The following GJA5 variants were observed in gnomAD, a reference collection of about 807,000 sequenced individuals.
GJA5 encodes the protein gap junction protein alpha 5, also known as gap junction alpha-5 protein.
Under a neutral mutation model 7.9 loss-of-function variants are expected in GJA5, and 3 were observed. The observed-to-expected ratio is 0.38, with a 90% CI of 0.17 to 0.99. The LOEUF (loss-of-function observed/expected upper bound fraction) is 0.99, where lower values mean the gene tolerates loss of function less well. GJA5 is among the 50% of genes least tolerant of loss of function. The pLI, the probability that GJA5 is intolerant of heterozygous loss-of-function variation, is 0.38. For missense variants in GJA5, 390 were observed against 457.9 expected (o/e 0.85, Z 1.35); for synonymous variants, 193 against 181.0 (o/e 1.07, Z -0.53).
chr1:147,769,625 G>C (rs587744722), intron 1 of GJA5, among the ~76,000 whole-genome samples: 1 of 152,220 alleles, frequency 6.6e-6, no homozygotes, highest in South Asian at 2.1e-4. Flanking sequence ...ATCTGATAGT[G>C]CTTCAGGCTG....
chr1:147,770,040 AAG>A (rs1269835479), intron 1 of GJA5, among the ~76,000 whole-genome samples: 10 of 151,950 alleles, frequency 6.6e-5, no homozygotes, highest in African/African-American at 2.2e-4. Context: ...TTGGAAGAGA[AAG>A]AGGGGGTTGT....
upstream of GJA5, among the ~76,000 whole-genome samples, chr1:147,765,249 T>C (rs1243865917): frequency 2.6e-5 from 4 of 152,226 alleles, no homozygotes; most frequent in Non-Finnish European, 5.9e-5. Context: ...GTTGAATGAA[T>C]GAATCCTCAT....
intron 1 of GJA5, among the ~76,000 whole-genome samples, chr1:147,759,707 A>G (rs1557944537): frequency 1.3e-5 from 2 of 152,336 alleles, no homozygotes; most frequent in South Asian, 4.1e-4. Flanking sequence ...GGGGTCTGCA[A>G]ATGTGACTCT....
At chr1:147,768,083 G>C (rs1376630049) in intron 1 of GJA5, among the ~76,000 whole-genome samples, 1 of 152,154 alleles carries the variant, frequency 6.6e-6, no homozygotes, top group Non-Finnish European at 1.5e-5. Flanking sequence ...ACCTTCCTCA[G>C]AATTAGAAGT....
At chr1:147,763,373 T>A (rs1664088576), upstream of GJA5, among the ~76,000 whole-genome samples, 1 of 152,156 alleles carries the variant, frequency 6.6e-6, no homozygotes, top group African/African-American at 2.4e-5. Context: ...TAAAACACAA[T>A]GTGTGTTAAC....
At position 147,757,068 on chromosome 1, in the gene GJA5, A is replaced by AAGT. The variant is rs1221808042; in HGVS notation, c.*1091_*1093dup. 3 of 152,188 alleles carry AAGT rather than the reference A, an allele frequency of 2.0e-5. No individual in the cohort carries two copies. The highest frequency in any genetic ancestry group is 7.2e-5 in the African/African-American group (3 of 41,436). 9.4% of individuals were successfully genotyped at this position (152,188 alleles called of 1,614,324 possible). A position where few individuals can be genotyped will look rare whatever the true frequency, so the allele number is the denominator to read the frequency against. On this transcript the variant is annotated 3_prime_UTR_variant, in exon 2 of 2. Coordinates refer to ENST00000579774, the MANE Select transcript of GJA5 (RefSeq NM_181703.4). ...GCACTAAGTTGGCAGTCAGCAAAGG[A>AAGT]AGTAAATAGGAGGGGAAAATAGTTT...
At chr1:147,769,154 G>C (rs587623320) in intron 1 of GJA5, among the ~76,000 whole-genome samples, 1 of 152,186 alleles carries the variant, frequency 6.6e-6, no homozygotes, top group Non-Finnish European at 1.5e-5. Flanking sequence ...CAGACTCTTC[G>C]GCCTCTGCCA....
upstream of GJA5, among the ~76,000 whole-genome samples, chr1:147,764,366 G>A (rs1379055612): frequency 6.6e-6 from 1 of 152,074 alleles, no homozygotes; most frequent in Non-Finnish European, 1.5e-5. Flanking sequence ...CTCACACTTG[G>A]TTATATATTT....
chr1:147,758,873 A>G lies in GJA5; in HGVS notation c.366T>C (p.Ser122=). ...CCTTCTCTGCCACCGGGTACTCGTAAGAGCCAGAGCCCCGGACCTCTTTGG... is the reference window on the plus strand; with the variant it reads ...CCTTCTCTGCCACCGGGTACTCGTAGGAGCCAGAGCCCCGGACCTCTTTGG... ...ERAKEVRGSG[S]YEYPVAEKAE... is the part of the protein sequence containing the mutation. Residue 122 remains serine (S), a synonymous_variant, in exon 2 of 2, where the codon TCT becomes TCC. Coordinates refer to ENST00000579774, the MANE Select transcript of GJA5 (RefSeq NM_181703.4). 6.2e-7 allele frequency: 1 copy of G among 1,614,190 alleles called. No individual in the cohort carries two copies. The highest frequency in any genetic ancestry group is 1.3e-5 in the African/African-American group (1 of 75,048).
chr1:147,767,882 G>A (rs1553228448), intron 1 of GJA5, among the ~76,000 whole-genome samples: 1 of 152,226 alleles, frequency 6.6e-6, no homozygotes, highest in Non-Finnish European at 1.5e-5. Flanking sequence ...TTTTATATAA[G>A]ATGATTGAAG....
At chr1:147,767,530 G>A (rs1285721937) in intron 1 of GJA5, among the ~76,000 whole-genome samples, 1 of 150,474 alleles carries the variant, frequency 6.6e-6, no homozygotes, top group African/African-American at 2.4e-5. Context: ...CAGGACCACA[G>A]GCATGCACCA....
Position 147,768,237 on chromosome 1 carries a change from TA to T in GJA5, c.-34+5014del, listed in dbSNP as rs1664277146. Among the ~76,000 whole-genome samples the T allele has an allele frequency of 2.0e-5, 3 of 152,322 alleles. No homozygotes were observed. In the South Asian group the frequency reaches 6.2e-4, roughly 32 times the overall value. On this transcript the variant is annotated intron_variant, in intron 1 of 1. Transcript: ENST00000430508. Reference sequence around the variant, plus strand: ...GCCAGTGGCACCAATGGCAGATAATTAATTCCTTTTTAAATTTAATTATTTT... The same window carrying T: ...GCCAGTGGCACCAATGGCAGATAATTATTCCTTTTTAAATTTAATTATTTT...
upstream of GJA5, among the ~76,000 whole-genome samples, chr1:147,760,897 A>AG (rs1553227322): frequency 6.7e-6 from 1 of 150,302 alleles, no homozygotes; most frequent in African/African-American, 2.4e-5. Flanking sequence ...TGTGAACAAG[A>AG]GGGAACCTCA....
Position 147,759,212 on chromosome 1 carries a change from A to G in GJA5, c.27T>C (p.Asn9=). Residue 9 remains asparagine, a synonymous_variant, in exon 2 of 2, where the codon AAT becomes AAC. Transcript: ENST00000579774. ...AGTGCTTGTGTACTTCCTCCAGGAA[A>G]TTTCCCAGGAAGCTCCAATCGCCCA... MGDWSFLG[N]FLEEVHKHST... 6.2e-7 allele frequency: 1 copy of G among 1,613,998 alleles called. No homozygotes were observed. The highest frequency in any genetic ancestry group is 1.6e-4 in the Middle Eastern group (1 of 6,062).
At position 147,756,487 on chromosome 1, in the gene GJA5, C is replaced by A. The variant is rs1207569756; in HGVS notation, c.*1675G>T. 6.6e-6 allele frequency: 1 copy of A among 152,192 alleles called. No homozygotes were observed. The highest frequency in any genetic ancestry group is 1.9e-4 in the East Asian group (1 of 5,182). The allele number at this position is 152,192 out of a possible 1,614,324, so 9.4% of individuals were successfully genotyped here. A position where few individuals can be genotyped will look rare whatever the true frequency, so the allele number is the denominator to read the frequency against. On this transcript the variant is annotated 3_prime_UTR_variant, in exon 2 of 2. Coordinates refer to ENST00000579774, the MANE Select transcript of GJA5 (RefSeq NM_181703.4). ...TATCTTTCCACCCAACAATAGCATC[C>A]AAGTGTCAGCAGAGGGCCCAGAGAT...
Position 147,757,702 on chromosome 1 carries a change from A to C in GJA5, c.*460T>G. 5.1e-6 allele frequency: 1 copy of C among 197,624 alleles called. No homozygotes were observed. The highest frequency in any genetic ancestry group is 1.2e-4 in the East Asian group (1 of 8,474). 12.2% of individuals were successfully genotyped at this position (197,624 alleles called of 1,614,324 possible). ...CAGATTCAAGAGCACATATAATGCA[A>C]GTTCCTTGATTCATGCTGTCTATTG... On this transcript the variant is annotated 3_prime_UTR_variant, in exon 2 of 2. Transcript: ENST00000579774.
chr1:147,768,469 G>T (rs907595148), intron 1 of GJA5, among the ~76,000 whole-genome samples: 1 of 152,142 alleles, frequency 6.6e-6, no homozygotes, highest in Admixed American at 6.5e-5. Flanking sequence ...AATATTGGTA[G>T]GTCCTTATTA....
In GJA5 at chr1:147,757,605, T is replaced by C. The variant is rs1663789499; in HGVS notation, c.*557A>G. ...CCAAGAAGCCCTTTTTAAGGCTGAGTAGAGGGAGGAGAAGCCAAGGGCAAC... is the reference window on the plus strand; with the variant it reads ...CCAAGAAGCCCTTTTTAAGGCTGAGCAGAGGGAGGAGAAGCCAAGGGCAAC... On this transcript the variant is annotated 3_prime_UTR_variant, in exon 2 of 2. Coordinates refer to ENST00000579774, the MANE Select transcript of GJA5 (RefSeq NM_181703.4). The C allele has an allele frequency of 3.8e-5, 6 of 159,664 alleles. No individual in the cohort carries two copies. The highest frequency in any genetic ancestry group is 3.5e-4 in the Admixed American group (6 of 17,350). 9.9% of individuals were successfully genotyped at this position (159,664 alleles called of 1,614,324 possible). A position where few individuals can be genotyped will look rare whatever the true frequency, so the allele number is the denominator to read the frequency against.
chr1:147,757,019 T>C lies in GJA5; in HGVS notation c.*1143A>G, dbSNP rs1257472787. 1 of 152,202 alleles carries C rather than the reference T, an allele frequency of 6.6e-6. No individual in the cohort carries two copies. The highest frequency in any genetic ancestry group is 1.5e-5 in the Non-Finnish European group (1 of 68,022). The allele number at this position is 152,202 out of a possible 1,614,324, so 9.4% of individuals were successfully genotyped here. A position where few individuals can be genotyped will look rare whatever the true frequency, so the allele number is the denominator to read the frequency against. ...GGAGAGAGAGATCTGGGGGCCTCCATAGCTGTCATCACACCTCCTCTTGGC... is the reference window on the plus strand; with the variant it reads ...GGAGAGAGAGATCTGGGGGCCTCCACAGCTGTCATCACACCTCCTCTTGGC... On this transcript the variant is annotated 3_prime_UTR_variant, in exon 2 of 2. Coordinates refer to ENST00000579774, the MANE Select transcript of GJA5 (RefSeq NM_181703.4).
Sources: gnomAD v4.1 joint callset for allele counts (sites outside exome capture counted in the v4.1 genomes callset) on GRCh38, gnomAD v4.1.1 for gene constraint, MANE v1.5 for transcripts, NCBI Gene and HGNC (gene_info 2026-07-23, HGNC 2026-07-21) for gene names.